The following RANBP2 variants were observed in gnomAD, a reference collection of about 807,000 sequenced individuals.
RANBP2 encodes the protein RAN binding protein 2.
In RANBP2, 57 loss-of-function variants were observed where a neutral mutation model predicts 303.6. The observed-to-expected ratio is 0.19, with a 90% CI of 0.15 to 0.23. The LOEUF is 0.23. Ranked by LOEUF, RANBP2 falls within the 10% of genes least tolerant of loss-of-function variation. The pLI is 1.00. For synonymous variants in RANBP2, 1,167 were observed against 1,301.5 expected, an observed-to-expected ratio of 0.90 and a Z score of 2.23; for missense variants, 3,138 against 3,780.8, an observed-to-expected ratio of 0.83 and a Z score of 4.46.
chr2:109,765,985 T>A, the RANBP2 span, among the ~76,000 whole-genome samples: 14 of 150,386 alleles, frequency 9.3e-5, no homozygotes, highest in Non-Finnish European at 1.9e-4. Flanking sequence ...CCTATCCTTT[T>A]GGTCAGTCCT....
the RANBP2 span, among the ~76,000 whole-genome samples, chr2:109,344,608 G>A: frequency 2.0e-5 from 3 of 152,324 alleles, no homozygotes; most frequent in East Asian, 5.8e-4. Flanking sequence ...AGGCTGATGG[G>A]CCAGGAGACC....
chr2:109,689,847 C>A, the RANBP2 span, among the ~76,000 whole-genome samples: 1 of 152,156 alleles, frequency 6.6e-6, no homozygotes, highest in South Asian at 2.1e-4. Context: ...TGTCTCTGAA[C>A]AACAAAATGT....
the RANBP2 span, among the ~76,000 whole-genome samples, chr2:109,101,489 A>G: frequency 2.0e-5 from 3 of 151,980 alleles, no homozygotes; most frequent in African/African-American, 4.8e-5. Context: ...GATCACCCCA[A>G]TGCACTCCAG....
At chr2:109,428,914 G>A in the RANBP2 span, among the ~76,000 whole-genome samples, 2 of 152,184 alleles carry the variant, frequency 1.3e-5, no homozygotes. Flanking sequence ...GGTTCTCCCT[G>A]CCATGCCAGA....
At position 108,758,505 on chromosome 2, in the gene RANBP2, T is replaced by C; in HGVS notation, c.2559T>C (p.Asp853=). 1 of 1,611,318 alleles carries C rather than the reference T, an allele frequency of 6.2e-7. No homozygotes were observed. Among genetic ancestry groups the C allele is most frequent in the Non-Finnish European group, 8.5e-7 (1 of 1,179,770 alleles). ...ATTATGGACCAGACTCAGTGCCTGATGGATATCAGGGGTCACAGACATTTC... is the reference window on the plus strand; with the variant it reads ...ATTATGGACCAGACTCAGTGCCTGACGGATATCAGGGGTCACAGACATTTC... ...TENYGPDSVP[D]GYQGSQTFHG... The change falls in exon 18 of 29, where the codon GAT becomes GAC. Residue 853 remains aspartate (D), a synonymous_variant. Coordinates refer to ENST00000283195, the MANE Select transcript of RANBP2 (RefSeq NM_006267.5).
the RANBP2 span, among the ~76,000 whole-genome samples, chr2:108,999,202 A>C: frequency 6.6e-6 from 1 of 152,172 alleles, no homozygotes; most frequent in East Asian, 1.9e-4. Flanking sequence ...TGGGTTCTTC[A>C]TCTGAAAAGT....
the RANBP2 span, chr2:108,912,669 C>T: frequency 6.3e-7 from 1 of 1,580,728 alleles, no homozygotes; most frequent in Non-Finnish European, 8.6e-7. Context: ...ACCTGAGCAC[C>T]CTCCTCACCT....
At chr2:108,791,523 G>GT in the RANBP2 span, 1 of 864,790 alleles carries the variant, frequency 1.2e-6, no homozygotes, top group African/African-American at 1.7e-5. Context: ...TAGTTTTTAC[G>GT]TTTTTTCTTT....
chr2:109,559,225 T>C, the RANBP2 span, among the ~76,000 whole-genome samples: 1 of 152,214 alleles, frequency 6.6e-6, no homozygotes, highest in African/African-American at 2.4e-5. Context: ...AAAAGCTTCC[T>C]AATACATCAG....
Position 108,736,099 on chromosome 2 carries a change from A to G in RANBP2, c.637-5A>G. The G allele has an allele frequency of 6.2e-7, 1 of 1,611,816 alleles. No homozygotes were observed. The highest frequency in any genetic ancestry group is 1.1e-5 in the South Asian group (1 of 90,974). On this transcript the variant is annotated splice_polypyrimidine_tract_variant and splice_region_variant and intron_variant, in intron 5 of 28. Coordinates refer to ENST00000283195, the MANE Select transcript of RANBP2 (RefSeq NM_006267.5). ...TTGTAACTTACTGTTCATTCCACAA[A>G]ATAGGAATATCTGGAGTCTTTACAG...
At chr2:109,449,547 T>C in the RANBP2 span, 11 of 1,569,740 alleles carry the variant, frequency 7.0e-6, no homozygotes, top group East Asian at 2.3e-5. Flanking sequence ...ACTGTAACTT[T>C]TTGGCACTAG....
chr2:109,454,096 C>T, the RANBP2 span, among the ~76,000 whole-genome samples: 1 of 152,194 alleles, frequency 6.6e-6, no homozygotes, highest in Non-Finnish European at 1.5e-5. Flanking sequence ...GTCAGTGCAA[C>T]TTACATTACA....
chr2:109,482,586 C>T, the RANBP2 span, among the ~76,000 whole-genome samples: 1 of 152,234 alleles, frequency 6.6e-6, no homozygotes, highest in Non-Finnish European at 1.5e-5. Flanking sequence ...GGGGCCATGA[C>T]CCCTAAGAGG....
the RANBP2 span, among the ~76,000 whole-genome samples, chr2:109,064,791 G>C: frequency 6.6e-6 from 1 of 152,094 alleles, no homozygotes; most frequent in Non-Finnish European, 1.5e-5. Flanking sequence ...TTGAAATGGG[G>C]GCCTCTGTTG....
rs549461668 is a variant in RANBP2, at chr2:108,778,026, T to C, written c.8599+795T>C. 5.9e-5 allele frequency among the ~76,000 whole-genome samples: 9 copies of C among 152,272 alleles called. No individual in the cohort carries two copies. In the East Asian group the frequency reaches 1.7e-3, roughly 29 times the overall value. ...CTTCAGATGTGATGTTATGTTGGAATTCATGGCTTCACTGATGTCGTTTAT... is the reference window on the plus strand; with the variant it reads ...CTTCAGATGTGATGTTATGTTGGAACTCATGGCTTCACTGATGTCGTTTAT... On this transcript the variant is annotated intron_variant, in intron 25 of 28. Coordinates refer to ENST00000283195, the MANE Select transcript of RANBP2 (RefSeq NM_006267.5).
At chr2:109,577,268 T>C in the RANBP2 span, among the ~76,000 whole-genome samples, 3 of 152,152 alleles carry the variant, frequency 2.0e-5, no homozygotes, top group African/African-American at 7.2e-5. Context: ...AATAAACATA[T>C]ACTGGCCATA....
chr2:108,848,150 AATCATTT>A, the RANBP2 span, among the ~76,000 whole-genome samples: 1 of 152,240 alleles, frequency 6.6e-6, no homozygotes, highest in African/African-American at 2.4e-5. Flanking sequence ...AAAAATTATT[AATCATTT>A]ATCATTTAAC....
chr2:109,725,828 G>C, the RANBP2 span, among the ~76,000 whole-genome samples: 42 of 152,122 alleles, frequency 2.8e-4, no homozygotes, highest in African/African-American at 7.7e-4. Context: ...TGCCTCCCGG[G>C]TTCAAGTGAC....
the RANBP2 span, among the ~76,000 whole-genome samples, chr2:109,082,934 T>C: frequency 3.3e-5 from 5 of 151,392 alleles, no homozygotes; most frequent in South Asian, 4.2e-4. Flanking sequence ...CACGCCATTC[T>C]CCTGCCTCAG....
Sources: gnomAD v4.1 joint callset for allele counts (sites outside exome capture counted in the v4.1 genomes callset) on GRCh38, gnomAD v4.1.1 for gene constraint, MANE v1.5 for transcripts, NCBI Gene and HGNC (gene_info 2026-07-23, HGNC 2026-07-21) for gene names.